The following TRIM37 variants were observed in gnomAD, a reference collection of about 807,000 sequenced individuals.
The protein encoded by TRIM37 is tripartite motif containing 37.
In TRIM37, 80 loss-of-function variants were observed where a neutral mutation model predicts 129.8. The ratio of observed to expected loss-of-function variants is 0.62; its 90% CI spans 0.51 to 0.74. The LOEUF (loss-of-function observed/expected upper bound fraction) is 0.74. Ranked by LOEUF, TRIM37 falls within the 30% of genes least tolerant of loss-of-function variation. TRIM37 has a pLI of 0.00. For synonymous variants in TRIM37, 389 were observed against 387.1 expected (o/e 1.00, Z -0.06); for missense variants, 1,054 against 1,176.5 (o/e 0.90, Z 1.52).
intron 1 of TRIM37, among the ~76,000 whole-genome samples, chr17:59,106,041 T>C (rs1568281284): frequency 6.6e-6 from 1 of 152,204 alleles, no homozygotes. Context: ...AATGTGCCAC[T>C]GAGAGGGAAA....
rs993494543 is a variant in TRIM37, at chr17:58,998,590, A to C, written c.*787T>G. ...CACTGAAATCAATGTACAACTAATGAAAATAAAGAAGAAAAGGGGGCTTTA... is the reference window on the plus strand; with the variant it reads ...CACTGAAATCAATGTACAACTAATGCAAATAAAGAAGAAAAGGGGGCTTTA... On this transcript the variant is annotated 3_prime_UTR_variant, in exon 24 of 24. Coordinates refer to ENST00000262294, the MANE Select transcript of TRIM37 (RefSeq NM_015294.6). The C allele has an allele frequency of 6.1e-6, 6 of 985,362 alleles. No homozygotes were observed. The highest frequency in any genetic ancestry group is 2.4e-6 in the Non-Finnish European group (2 of 829,950). 61.0% of individuals were successfully genotyped at this position (985,362 alleles called of 1,614,324 possible).
the TRIM37 span, among the ~76,000 whole-genome samples, chr17:58,971,232 T>C: frequency 6.6e-6 from 1 of 152,174 alleles, no homozygotes; most frequent in African/African-American, 2.4e-5. Context: ...TTTTTGAACA[T>C]TCTGTGTGGG....
chr17:59,016,396 CAAA>C (rs57120937), intron 20 of TRIM37, among the ~76,000 whole-genome samples: 2 of 55,314 alleles, frequency 3.6e-5, no homozygotes, highest in Non-Finnish European at 3.7e-5. Context: ...AACTCCATCT[CAAA>C]AAAAAAAAAA....
chr17:58,997,159 T>C (rs2033092662), downstream of TRIM37, among the ~76,000 whole-genome samples: 2 of 152,172 alleles, frequency 1.3e-5, no homozygotes, highest in Non-Finnish European at 2.9e-5. Context: ...TGGTAAACAA[T>C]ATTGCAACCA....
At chr17:59,099,930 A>G (rs918128387) in intron 2 of TRIM37, among the ~76,000 whole-genome samples, 5 of 152,164 alleles carry the variant, frequency 3.3e-5, no homozygotes, top group African/African-American at 1.2e-4. Flanking sequence ...CAGGCTCCCA[A>G]GGAGCTGGGA....
chr17:59,012,467 G>GTTATAGAGAA, intron 21 of TRIM37, 21 bp from the exon 22 acceptor site: 1 of 1,469,076 alleles, frequency 6.8e-7, no homozygotes. Context: ...AAAACAACTT[G>GTTATAGAGAA]ATATTTCTCT....
intron 9 of TRIM37, among the ~76,000 whole-genome samples, chr17:59,069,323 G>C (rs2042176154): frequency 6.6e-6 from 1 of 151,464 alleles, no homozygotes; most frequent in African/African-American, 2.4e-5. Context: ...TTCCAGCCTG[G>C]GTGACAGAGT....
intron 17 of TRIM37, among the ~76,000 whole-genome samples, chr17:59,040,000 TG>T (rs1450039719): frequency 6.6e-6 from 1 of 151,946 alleles, no homozygotes; most frequent in African/African-American, 2.4e-5. Flanking sequence ...TGGGCTCAGG[TG>T]ATCCTCCCAC....
chr17:59,041,829 A>G lies in TRIM37; in HGVS notation c.1737T>C (p.Ala579=). The G allele has an allele frequency of 6.2e-7, 1 of 1,613,916 alleles. No homozygotes were observed. Among genetic ancestry groups the G allele is most frequent in the East Asian group, 2.2e-5 (1 of 44,864 alleles). Residue 579 remains alanine, a synonymous_variant, in exon 17 of 24, where the codon GCT becomes GCC. Coordinates refer to ENST00000262294, the MANE Select transcript of TRIM37 (RefSeq NM_015294.6). Reference sequence around the variant, plus strand: ...CCTCATTACCTGCGGGTCCTGCAGCAGCTGCATCTTCCATGAGTTCTCCCT... The same window carrying G: ...CCTCATTACCTGCGGGTCCTGCAGCGGCTGCATCTTCCATGAGTTCTCCCT... The part of the protein sequence containing the change: ...LEEGELMEDA[A]AAGPAGSSHG...
rs35442859 is a variant in TRIM37 at position 59,032,531 on chromosome 17, CAAAAAAA to C, written c.1754-448_1754-442del. ...TGGGCGACAGAGCGAGACTCCGTCT[CAAAAAAA>C]AAAAAAAAAAAAAAAGAAAGAAGGA... On this transcript the variant is annotated intron_variant, in intron 17 of 23. Coordinates refer to ENST00000262294, the MANE Select transcript of TRIM37 (RefSeq NM_015294.6). Among the ~76,000 whole-genome samples, 13 of 84,768 alleles carry C rather than the reference CAAAAAAA, an allele frequency of 1.5e-4. No homozygotes were observed. The South Asian group carries it at 1.8e-3, about 12-fold the overall frequency. 55.6% of individuals were successfully genotyped at this position (84,768 alleles called of 152,430 possible). A position where few individuals can be genotyped will look rare whatever the true frequency, so the allele number is the denominator to read the frequency against.
rs2038345179 is a variant in TRIM37 at position 59,035,342 on chromosome 17, T to C, written c.1754-3252A>G. Among the ~76,000 whole-genome samples, 3 of 151,978 alleles carry C rather than the reference T, an allele frequency of 2.0e-5. No individual in the cohort carries two copies. The South Asian group carries it at 6.2e-4, about 32-fold the overall frequency. On this transcript the variant is annotated intron_variant, in intron 17 of 23. Coordinates refer to ENST00000262294, the MANE Select transcript of TRIM37 (RefSeq NM_015294.6). ...TCCCAAAGTGCTGGGATTAGAGACA[T>C]GAGCCACTGCCTCATTTTCATTATT...
At chr17:59,070,685 T>C (rs1599340612) in intron 9 of TRIM37, 138 bp downstream of exon 9, 1 of 965,032 alleles carries the variant, frequency 1.0e-6, no homozygotes. Flanking sequence ...GAGACCAGCC[T>C]GGGCAACAAG....
At chr17:59,003,522 G>A (rs752356315) in intron 22 of TRIM37, among the ~76,000 whole-genome samples, 1 of 151,936 alleles carries the variant, frequency 6.6e-6, no homozygotes, top group Non-Finnish European at 1.5e-5. Context: ...GATGGGTAGT[G>A]TAGTTATTTA....
intron 17 of TRIM37, among the ~76,000 whole-genome samples, chr17:59,033,423 C>T (rs1469045199): frequency 6.6e-6 from 1 of 152,128 alleles, no homozygotes; most frequent in African/African-American, 2.4e-5. Context: ...ATTTCCCCTT[C>T]ACATTGAAAA....
chr17:58,999,235 A>C lies in TRIM37; in HGVS notation c.*142T>G. 6.4e-7 allele frequency: 1 copy of C among 1,571,602 alleles called. No individual in the cohort carries two copies. Among genetic ancestry groups the C allele is most frequent in the Non-Finnish European group, 8.6e-7 (1 of 1,160,610 alleles). On this transcript the variant is annotated 3_prime_UTR_variant, in exon 24 of 24. Transcript: ENST00000262294. ...AGACTAAACTGTGCCACCTTCCAAC[A>C]GTTTCCAAATTACTATTTCAGGTCG...
At chr17:59,022,619 CTTG>C (rs1204911431) in intron 19 of TRIM37, among the ~76,000 whole-genome samples, 3 of 152,110 alleles carry the variant, frequency 2.0e-5, no homozygotes, top group Non-Finnish European at 4.4e-5. Context: ...TCTTAGACTT[CTTG>C]TTAAGATTAA....
chr17:59,104,340 G>A lies in TRIM37; in HGVS notation c.76C>T (p.Arg26Cys), dbSNP rs752728939. The change falls in exon 2 of 24, where the codon CGC (arginine) becomes TGC (cysteine). Residue 26 changes from arginine to cysteine, a missense_variant. Arg to Cys is a radical substitution (Grantham distance 180). This residue lies in a region of TRIM37 where 752 missense variants were observed against 870.8 expected (regional missense o/e 0.86). Transcript: ENST00000262294. ...AGTTTGGAGCAATGAGGACACAGGC[G>A]TGCATCCCGCAATTTCTCCATACAA... ...FICMEKLRDA[R>C]LCPHCSKLCC... 19 of 1,614,172 alleles carry A rather than the reference G, an allele frequency of 1.2e-5. No individual in the cohort carries two copies. Among genetic ancestry groups the A allele is most frequent in the East Asian group, 4.5e-5 (2 of 44,874 alleles).
At chr17:58,977,215 T>A in the TRIM37 span, among the ~76,000 whole-genome samples, 5 of 152,022 alleles carry the variant, frequency 3.3e-5, no homozygotes, top group South Asian at 1.0e-3. Flanking sequence ...GAAGCCCAGG[T>A]GGGTAGATCA....
the TRIM37 span, among the ~76,000 whole-genome samples, chr17:58,968,817 CCT>C: frequency 6.6e-6 from 1 of 152,128 alleles, no homozygotes; most frequent in Non-Finnish European, 1.5e-5. Flanking sequence ...GTTGGAAGAT[CCT>C]CCTCTGGCAG....
Sources: allele counts gnomAD v4.1 joint callset (sites outside exome capture counted in the v4.1 genomes callset), GRCh38; gene constraint gnomAD v4.1.1; regional missense constraint gnomAD v4.1.1; transcripts MANE v1.5; gene names NCBI Gene and HGNC (gene_info 2026-07-23, HGNC 2026-07-21).